The following ATXN8OS variants were observed in gnomAD, a reference collection of about 807,000 sequenced individuals.
ATXN8OS encodes ATXN8 opposite strand lncRNA.
At chr13:70,163,302 G>C (rs887629411) in intron 4 of ATXN8OS, among the ~76,000 whole-genome samples, 1 of 151,996 alleles carries the variant, frequency 6.6e-6, no homozygotes, top group East Asian at 1.9e-4. Context: ...TGCTGGTGTG[G>C]AAGAGAAAAG....
At chr13:70,128,479 A>T (rs1479057686) in intron 2 of ATXN8OS, among the ~76,000 whole-genome samples, 1 of 152,100 alleles carries the variant, frequency 6.6e-6, no homozygotes. Flanking sequence ...AATGGTCTTG[A>T]AGAGTAGAAA....
intron 3 of ATXN8OS, among the ~76,000 whole-genome samples, chr13:70,134,840 G>C (rs1246089138): frequency 6.6e-6 from 1 of 152,110 alleles, no homozygotes; most frequent in South Asian, 2.1e-4. Flanking sequence ...AAATCTGAGG[G>C]CATATCTGAG....
At chr13:70,148,164 TG>T (rs1888812937) in intron 4 of ATXN8OS, among the ~76,000 whole-genome samples, 1 of 152,104 alleles carries the variant, frequency 6.6e-6, no homozygotes, top group Admixed American at 6.6e-5. Flanking sequence ...CCTTAGAAGA[TG>T]TCAGACTCTT....
intron 1 of ATXN8OS, among the ~76,000 whole-genome samples, chr13:70,111,202 C>T (rs1339082259): frequency 1.3e-5 from 2 of 152,180 alleles, no homozygotes; most frequent in African/African-American, 4.8e-5. Flanking sequence ...AAATGTATCA[C>T]ACTGAAAGTT....
intron 3 of ATXN8OS, among the ~76,000 whole-genome samples, chr13:70,137,932 G>A (rs1888640337): frequency 6.6e-6 from 1 of 152,172 alleles, no homozygotes; most frequent in Admixed American, 6.6e-5. Context: ...AGAAAGTGAA[G>A]GGGAAGAAAG....
chr13:70,163,848 T>C (rs1433928796), intron 4 of ATXN8OS, among the ~76,000 whole-genome samples: 1 of 151,154 alleles, frequency 6.6e-6, no homozygotes, highest in Non-Finnish European at 1.5e-5. Flanking sequence ...TCCACCACTC[T>C]TCTTGTTTTA....
chr13:70,132,809 T>C (rs1888552981), intron 3 of ATXN8OS, among the ~76,000 whole-genome samples: 1 of 152,174 alleles, frequency 6.6e-6, no homozygotes, highest in African/African-American at 2.4e-5. Flanking sequence ...TTCATATAAA[T>C]GTGCATATTA....
At chr13:70,159,174 T>G (rs541057462) in intron 4 of ATXN8OS, among the ~76,000 whole-genome samples, 1 of 85,280 alleles carries the variant, frequency 1.2e-5, no homozygotes, top group Non-Finnish European at 2.6e-5. Flanking sequence ...CCTCCACCAC[T>G]TCCATTCTCT....
intron 3 of ATXN8OS, chr13:70,130,567 A>G (rs1888517616): frequency 2.5e-6 from 1 of 396,968 alleles, no homozygotes. Flanking sequence ...AAAAAGAAAC[A>G]ACTTTTGAGA....
intron 3 of ATXN8OS, chr13:70,130,746 G>A (rs1002168357): frequency 2.8e-5 from 11 of 398,338 alleles, no homozygotes; most frequent in East Asian, 1.1e-4. Context: ...GACTATTTAC[G>A]ACAAGTGTTC....
At chr13:70,137,228 G>T (rs1172806575) in intron 3 of ATXN8OS, among the ~76,000 whole-genome samples, 1 of 152,094 alleles carries the variant, frequency 6.6e-6, no homozygotes, top group Non-Finnish European at 1.5e-5. Flanking sequence ...CAGCGGAATC[G>T]CTCCTTAATG....
At chr13:70,170,840 A>G (rs2479918) in exon 5 of ATXN8OS, among the ~76,000 whole-genome samples, 35,922 of 151,998 alleles carry the variant, frequency 0.24, 4,644 homozygotes, top group African/African-American at 0.32. Context: ...CTACACACCT[A>G]TGCTTTGTGG....
intron 1 of ATXN8OS, among the ~76,000 whole-genome samples, chr13:70,114,187 G>T (rs1029579485): frequency 6.6e-6 from 1 of 152,128 alleles, no homozygotes; most frequent in Admixed American, 6.6e-5. Flanking sequence ...CACCCAGTCA[G>T]GATGCTTTTG....
At chr13:70,145,852 GC>G (rs1888777699) in intron 3 of ATXN8OS, among the ~76,000 whole-genome samples, 1 of 151,280 alleles carries the variant, frequency 6.6e-6, no homozygotes, top group Admixed American at 6.6e-5. Context: ...ATAGGCATGG[GC>G]AAGGACTTCA....
intron 4 of ATXN8OS, among the ~76,000 whole-genome samples, chr13:70,167,758 C>CA (rs1396949306): frequency 1.0e-5 from 1 of 96,342 alleles, no homozygotes; most frequent in Non-Finnish European, 1.8e-5. Flanking sequence ...TTGAGACAGA[C>CA]AGAGTCTCGC....
chr13:70,152,764 TGA>T (rs1183628435), intron 4 of ATXN8OS, among the ~76,000 whole-genome samples: 2 of 152,188 alleles, frequency 1.3e-5, no homozygotes, highest in Non-Finnish European at 2.9e-5. Flanking sequence ...TATTTATCAC[TGA>T]GTAGTCAAAA....
At chr13:70,145,693 A>G (rs975513803) in intron 3 of ATXN8OS, among the ~76,000 whole-genome samples, 2 of 152,164 alleles carry the variant, frequency 1.3e-5, no homozygotes, top group African/African-American at 4.8e-5. Flanking sequence ...ATTTTTGTAC[A>G]TTGATTTTGT....
intron 4 of ATXN8OS, among the ~76,000 whole-genome samples, chr13:70,150,265 G>A (rs1050934403): frequency 1.3e-5 from 2 of 152,058 alleles, no homozygotes; most frequent in African/African-American, 4.8e-5. Flanking sequence ...GCCTACTGAA[G>A]GAAGATAATA....
intron 3 of ATXN8OS, among the ~76,000 whole-genome samples, chr13:70,143,359 T>G (rs1418285286): frequency 6.6e-6 from 1 of 152,106 alleles, no homozygotes; most frequent in Non-Finnish European, 1.5e-5. Flanking sequence ...GATGAGAGTC[T>G]TCTTTCAAAT....
Sources: gnomAD v4.1 joint callset for allele counts (sites outside exome capture counted in the v4.1 genomes callset) on GRCh38, gnomAD v4.1.1 for gene constraint, MANE v1.5 for transcripts, NCBI Gene and HGNC (gene_info 2026-07-23, HGNC 2026-07-21) for gene names.